KCNQ1: variants seen among roughly 807,000 people sequenced by gnomAD.
The protein encoded by KCNQ1 is potassium voltage-gated channel subfamily Q member 1, also known as potassium voltage-gated channel subfamily KQT member 1.
Under a neutral mutation model 72.4 loss-of-function variants are expected in KCNQ1, and 49 were observed. The ratio of observed to expected loss-of-function variants is 0.68; its 90% CI spans 0.54 to 0.86. The LOEUF (loss-of-function observed/expected upper bound fraction) is 0.86. Among genes scored for constraint, KCNQ1 ranks in the 40% least tolerant of loss-of-function variants. The pLI is 0.00. For missense variants in KCNQ1, 790 were observed against 945.1 expected (o/e 0.84, Z 2.15); for synonymous variants, 450 against 412.6 (o/e 1.09, Z -1.10).
At chr11:2,753,220 G>A (rs1384994196) in intron 11 of KCNQ1, among the ~76,000 whole-genome samples, 2 of 152,170 alleles carry the variant, frequency 1.3e-5, no homozygotes, top group Non-Finnish European at 2.9e-5. Context: ...TCTGAGGCGG[G>A]GGAGTCACGA....
At chr11:2,836,905 T>C (rs1344276638) in intron 15 of KCNQ1, among the ~76,000 whole-genome samples, 1 of 152,182 alleles carries the variant, frequency 6.6e-6, no homozygotes, top group African/African-American at 2.4e-5. Flanking sequence ...ATGTCTTTAT[T>C]TGGCGGGAGA....
Position 2,816,583 on chromosome 11 carries a change from C to T in KCNQ1, c.1795-31184C>T, listed in dbSNP as rs1847618068. 6.6e-6 allele frequency among the ~76,000 whole-genome samples: 1 copy of T among 152,140 alleles called. No individual in the cohort carries two copies. Among genetic ancestry groups the T allele is most frequent in the Non-Finnish European group, 1.5e-5 (1 of 68,022 alleles). On this transcript the variant is annotated intron_variant, in intron 15 of 15. Transcript: ENST00000155840. The surrounding 1 kb of genome is among the most constrained non-coding windows in gnomAD (Gnocchi z 6.8). ...CAGCCACCCTGTGGTGAAGCCACAC[C>T]ACATATGATGAGGGGCTGGAGGCAG...
chr11:2,701,559 A>G (rs1052520457), intron 11 of KCNQ1, among the ~76,000 whole-genome samples: 2 of 152,214 alleles, frequency 1.3e-5, no homozygotes, highest in East Asian at 1.9e-4. Context: ...GTTTCACGCT[A>G]TAATGTCACT....
intron 2 of KCNQ1, among the ~76,000 whole-genome samples, chr11:2,540,087 G>A (rs74799622): frequency 6.6e-6 from 1 of 152,078 alleles, no homozygotes; most frequent in Non-Finnish European, 1.5e-5. Flanking sequence ...GGGATAATAG[G>A]ATCCACCCTG....
chr11:2,826,264 G>A lies in KCNQ1; in HGVS notation c.1795-21503G>A, dbSNP rs998613691. Among the ~76,000 whole-genome samples, 3 of 152,222 alleles carry A rather than the reference G, an allele frequency of 2.0e-5. No homozygotes were observed. Among genetic ancestry groups the A allele is most frequent in the Non-Finnish European group, 2.9e-5 (2 of 68,044 alleles). On this transcript the variant is annotated intron_variant, in intron 15 of 15. Coordinates refer to ENST00000155840, the MANE Select transcript of KCNQ1 (RefSeq NM_000218.3). The surrounding 1 kb of genome is among the most constrained non-coding windows in gnomAD (Gnocchi z 4.2). Reference sequence around the variant, plus strand: ...TGTGACTTGGAAGGAAAGAGGGCCCGGCCTTTGAAAAATGAAGAAATTGAG... The same window carrying A: ...TGTGACTTGGAAGGAAAGAGGGCCCAGCCTTTGAAAAATGAAGAAATTGAG...
chr11:2,571,885 T>C, intron 4 of KCNQ1, 128 bp from the exon 5 acceptor site: 1 of 751,044 alleles, frequency 1.3e-6, no homozygotes, highest in Non-Finnish European at 2.3e-6. Flanking sequence ...ATACCCAGCC[T>C]CCCCACCCAG....
rs767449004 is a variant in KCNQ1 at position 2,588,811 on chromosome 11, G to A, written c.1350G>A (p.Glu450=). The A allele has an allele frequency of 4.3e-6, 7 of 1,613,222 alleles. No homozygotes were observed. In the South Asian group the frequency reaches 7.7e-5, roughly 18 times the overall value. ...VPHITCDPPE[E]RRLDHFSVDG... is the part of the protein sequence containing the mutation. ...ATATCACGTGCGACCCCCCAGAAGA[G>A]CGGCGGCTGGACCACTTCTCTGTCG... Residue 450 remains glutamate, a synonymous_variant, in exon 10 of 16, where the codon GAG becomes GAA. Coordinates refer to ENST00000155840, the MANE Select transcript of KCNQ1 (RefSeq NM_000218.3). The surrounding 1 kb of genome is among the most constrained non-coding windows in gnomAD (Gnocchi z 5.6).
At position 2,538,181 on chromosome 11, in the gene KCNQ1, G is replaced by A. The variant is rs557742110; in HGVS notation, c.477+10163G>A. Among the ~76,000 whole-genome samples the A allele has an allele frequency of 7.9e-5, 12 of 152,206 alleles. No individual in the cohort carries two copies. The highest frequency in any genetic ancestry group is 2.1e-4 in the South Asian group (1 of 4,830). On this transcript the variant is annotated intron_variant, in intron 2 of 15. Transcript: ENST00000155840. The surrounding 1 kb of genome is among the most constrained non-coding windows in gnomAD (Gnocchi z 6.7). ...ATTTCACAGCCTGCATTTAAGGCTCGTCACTGGTCCCAGTGAGTGTGGCTG... is the reference window on the plus strand; with the variant it reads ...ATTTCACAGCCTGCATTTAAGGCTCATCACTGGTCCCAGTGAGTGTGGCTG...
chr11:2,660,046 A>T lies in KCNQ1; in HGVS notation c.1394-1915A>T, dbSNP rs906098841. ...CACAGCAAAAGCTTTTAATTTTGAT[A>T]AAGTCCAATTTGTTGATTCTTTTTC... On this transcript the variant is annotated intron_variant, in intron 10 of 15. Coordinates refer to ENST00000155840, the MANE Select transcript of KCNQ1 (RefSeq NM_000218.3). 10 of 398,332 alleles carry T rather than the reference A, an allele frequency of 2.5e-5. 1 individual carries two copies. The highest frequency in any genetic ancestry group is 4.0e-5 in the Non-Finnish European group (9 of 225,978). The allele number at this position is 398,332 out of a possible 1,614,324, so 24.7% of individuals were successfully genotyped here. A position where few individuals can be genotyped will look rare whatever the true frequency, so the allele number is the denominator to read the frequency against.
At chr11:2,631,145 G>A (rs1006785219) in intron 10 of KCNQ1, 3 of 398,524 alleles carry the variant, frequency 7.5e-6, no homozygotes, top group Admixed American at 4.4e-5. Flanking sequence ...GATATGGGAA[G>A]TTTTCAGCCA....
At chr11:2,561,216 GAAAAAAAGA>G (rs1359163610) in intron 2 of KCNQ1, among the ~76,000 whole-genome samples, 2 of 148,738 alleles carry the variant, frequency 1.3e-5, no homozygotes, top group South Asian at 2.1e-4. Context: ...AAAAAAAAAA[GAAAAAAAGA>G]AAAAAAAGGA....
intron 11 of KCNQ1, chr11:2,685,508 C>G (rs371994192): frequency 2.5e-6 from 1 of 398,816 alleles, no homozygotes; most frequent in Admixed American, 4.4e-5. Context: ...CACATCCAGA[C>G]AGGAGACGCT....
intron 2 of KCNQ1, among the ~76,000 whole-genome samples, chr11:2,553,162 G>GT (rs761903102): frequency 0.016 from 1,642 of 105,672 alleles, 11 homozygotes; most frequent in South Asian, 0.019. Context: ...GGTTTTTTTT[G>GT]TTTTTTTTTT....
rs1369295965 is a variant in KCNQ1 at position 2,682,086 on chromosome 11, A to G, written c.1514+20005A>G. The G allele has an allele frequency of 7.5e-6, 3 of 398,510 alleles. No homozygotes were observed. The East Asian group carries it at 1.1e-4, about 14-fold the overall frequency. 24.7% of individuals were successfully genotyped at this position (398,510 alleles called of 1,614,324 possible). A position where few individuals can be genotyped will look rare whatever the true frequency, so the allele number is the denominator to read the frequency against. Reference sequence around the variant, plus strand: ...GGTTGAGGGATTGAGTCTAGGGCCCAGGGTCACAAAGCTAGGGAGCCGTGG... The same window carrying G: ...GGTTGAGGGATTGAGTCTAGGGCCCGGGGTCACAAAGCTAGGGAGCCGTGG... On this transcript the variant is annotated intron_variant, in intron 11 of 15. Transcript: ENST00000155840. The surrounding 1 kb of genome is among the most constrained non-coding windows in gnomAD (Gnocchi z 5.8).
intron 15 of KCNQ1, among the ~76,000 whole-genome samples, chr11:2,794,079 T>C (rs1847083711): frequency 6.6e-6 from 1 of 152,088 alleles, no homozygotes; most frequent in African/African-American, 2.4e-5. Context: ...GAGCGAGGGA[T>C]GGCCCGGCCG....
chr11:2,644,860 G>T (rs1302384170), intron 10 of KCNQ1: 6 of 398,656 alleles, frequency 1.5e-5, no homozygotes, highest in Non-Finnish European at 2.7e-5. Flanking sequence ...TTAGGATGCA[G>T]TTGTTGGTGG....
rs1305308971 is a variant in KCNQ1 at position 2,687,110 on chromosome 11, A to G, written c.1514+25029A>G. 2.5e-6 allele frequency: 1 copy of G among 398,546 alleles called. No individual in the cohort carries two copies. The highest frequency in any genetic ancestry group is 4.4e-6 in the Non-Finnish European group (1 of 226,094). The allele number at this position is 398,546 out of a possible 1,614,324, so 24.7% of individuals were successfully genotyped here. On this transcript the variant is annotated intron_variant, in intron 11 of 15. Transcript: ENST00000155840. The surrounding 1 kb of genome is among the most constrained non-coding windows in gnomAD (Gnocchi z 5.0). ...AGTTGGGTGTGACAAGTACACCTTGACACACAAACTGCACAGGGAGGGGAG... is the reference window on the plus strand; with the variant it reads ...AGTTGGGTGTGACAAGTACACCTTGGCACACAAACTGCACAGGGAGGGGAG...
intron 10 of KCNQ1, among the ~76,000 whole-genome samples, chr11:2,589,648 C>T (rs1043119152): frequency 6.6e-6 from 1 of 152,212 alleles, no homozygotes; most frequent in Non-Finnish European, 1.5e-5. Flanking sequence ...TGTGCTTCAG[C>T]CACACGGCAG....
At chr11:2,820,797 T>C (rs1271298490) in intron 15 of KCNQ1, among the ~76,000 whole-genome samples, 3 of 152,216 alleles carry the variant, frequency 2.0e-5, no homozygotes, top group African/African-American at 4.8e-5. Context: ...GGCTTCCGCC[T>C]CCCTTCCCTC....
Sources: allele counts gnomAD v4.1 joint callset (sites outside exome capture counted in the v4.1 genomes callset), GRCh38; gene constraint gnomAD v4.1.1; non-coding constraint Gnocchi (gnomAD v3.1); transcripts MANE v1.5; gene names NCBI Gene and HGNC (gene_info 2026-07-23, HGNC 2026-07-21).